KPNA3: variants seen among roughly 807,000 people sequenced by gnomAD.
The protein encoded by KPNA3 is karyopherin subunit alpha 3, also known as importin subunit alpha-4.
A neutral mutation model predicts 73.8 loss-of-function variants in KPNA3; 13 were observed. The observed-to-expected ratio is 0.18, with a 90% CI of 0.11 to 0.28. KPNA3 has a LOEUF of 0.28. KPNA3 is among the 10% of genes least tolerant of loss of function. The pLI, the probability that KPNA3 is intolerant of heterozygous loss-of-function variation, is 1.00. For missense variants in KPNA3, 360 were observed against 618.1 expected, an observed-to-expected ratio of 0.58 and a Z score of 4.43; for synonymous variants, 186 against 206.9, an observed-to-expected ratio of 0.90 and a Z score of 0.87.
chr13:49,723,748 T>C (rs1954382234), intron 7 of KPNA3, among the ~76,000 whole-genome samples: 1 of 150,436 alleles, frequency 6.6e-6, no homozygotes, highest in Admixed American at 6.6e-5. Flanking sequence ...TGTGTGCCTG[T>C]AGTCCCAGCT....
intron 10 of KPNA3, among the ~76,000 whole-genome samples, chr13:49,717,346 C>T (rs1196576236): frequency 6.7e-6 from 1 of 149,576 alleles, no homozygotes; most frequent in Non-Finnish European, 1.5e-5. Flanking sequence ...AGGAGAATTC[C>T]TTCAACTCGG....
rs796755766 is a variant in KPNA3 at position 49,735,256 on chromosome 13, G to A, written c.115-2210C>T. On this transcript the variant is annotated intron_variant, in intron 2 of 16. Coordinates refer to ENST00000261667, the MANE Select transcript of KPNA3 (RefSeq NM_002267.4). ...TCCTGCCTCAGCCTCCTGAATAGCT[G>A]GGATTACAGGCATGCGCCTCCATAC... Among the ~76,000 whole-genome samples, 3 of 152,104 alleles carry A rather than the reference G, an allele frequency of 2.0e-5. No individual in the cohort carries two copies. The East Asian group carries it at 5.8e-4, about 29-fold the overall frequency.
At chr13:49,776,762 G>A (rs554916200) in intron 1 of KPNA3, among the ~76,000 whole-genome samples, 3 of 152,174 alleles carry the variant, frequency 2.0e-5, no homozygotes, top group African/African-American at 7.2e-5. Context: ...TAAAATACCA[G>A]ATGCTGAAGT....
At chr13:49,765,013 C>T (rs1954797901) in intron 1 of KPNA3, among the ~76,000 whole-genome samples, 1 of 152,200 alleles carries the variant, frequency 6.6e-6, no homozygotes, top group Non-Finnish European at 1.5e-5. Flanking sequence ...CATAACACCA[C>T]ATTCCTGGTT....
intron 1 of KPNA3, among the ~76,000 whole-genome samples, chr13:49,766,032 T>C (rs914302916): frequency 2.6e-4 from 40 of 152,228 alleles, no homozygotes; most frequent in Non-Finnish European, 5.4e-4. Flanking sequence ...CTGGTCTTAC[T>C]TAATTTACTG....
intron 1 of KPNA3, among the ~76,000 whole-genome samples, chr13:49,788,942 T>C (rs899526226): frequency 7.2e-5 from 11 of 152,082 alleles, no homozygotes; most frequent in African/African-American, 2.2e-4. Context: ...TAAAGAGAAT[T>C]TGAAGGAGGA....
intron 1 of KPNA3, among the ~76,000 whole-genome samples, chr13:49,762,920 T>TTAAAAA (rs1555307128): frequency 8.0e-6 from 1 of 125,442 alleles, no homozygotes; most frequent in Non-Finnish European, 1.7e-5. Flanking sequence ...AAGGCTGGCT[T>TTAAAAA]AAAAAACAAA....
chr13:49,718,878 GTATT>G (rs1954329266), intron 10 of KPNA3, among the ~76,000 whole-genome samples: 1 of 152,080 alleles, frequency 6.6e-6, no homozygotes, highest in Non-Finnish European at 1.5e-5. Context: ...AAGCAAAGAT[GTATT>G]TCTTTGTCCC....
intron 1 of KPNA3, among the ~76,000 whole-genome samples, chr13:49,780,946 C>G (rs1954936236): frequency 6.6e-6 from 1 of 152,058 alleles, no homozygotes; most frequent in Admixed American, 6.5e-5. Flanking sequence ...GTCTCAAACT[C>G]CTGACCTCAG....
intron 12 of KPNA3, 53 bp from the exon 13 acceptor site, chr13:49,706,425 T>A: frequency 8.4e-7 from 1 of 1,193,620 alleles, no homozygotes; most frequent in Non-Finnish European, 1.2e-6. Flanking sequence ...ATACCTTTAA[T>A]GTCTTTCTAA....
At chr13:49,735,117 T>C (rs1052297042) in intron 2 of KPNA3, among the ~76,000 whole-genome samples, 2 of 152,052 alleles carry the variant, frequency 1.3e-5, no homozygotes, top group African/African-American at 4.8e-5. Context: ...ACAAGAACCA[T>C]ATTTACTTAT....
chr13:49,791,529 T>TA (rs3215725), intron 1 of KPNA3, among the ~76,000 whole-genome samples: 18,258 of 152,204 alleles, frequency 0.12, 2,180 homozygotes, highest in East Asian at 0.58. Context: ...GATGAATGTT[T>TA]AGTTTTGCAA....
intron 10 of KPNA3, among the ~76,000 whole-genome samples, chr13:49,715,416 G>A (rs933064372): frequency 8.5e-5 from 13 of 152,096 alleles, no homozygotes; most frequent in Admixed American, 6.5e-4. Context: ...AATGTTCAAC[G>A]TCATTCATAA....
intron 5 of KPNA3, 40 bp from the exon 6 acceptor site, chr13:49,732,506 CA>C: frequency 6.7e-7 from 1 of 1,484,434 alleles, no homozygotes; most frequent in Non-Finnish European, 9.3e-7. Flanking sequence ...CTATAATTTT[CA>C]AACTGTGAAA....
chr13:49,724,147 T>C (rs1467533025), intron 7 of KPNA3, among the ~76,000 whole-genome samples: 1 of 152,216 alleles, frequency 6.6e-6, no homozygotes, highest in Non-Finnish European at 1.5e-5. Flanking sequence ...TGTATTCCAT[T>C]GTATACACCA....
At chr13:49,757,038 TA>T (rs950346104) in intron 1 of KPNA3, among the ~76,000 whole-genome samples, 13 of 151,948 alleles carry the variant, frequency 8.6e-5, no homozygotes, top group Non-Finnish European at 1.2e-4. Flanking sequence ...CCTCACACCT[TA>T]AAAAAAATTT....
At chr13:49,765,627 C>T (rs953359752) in intron 1 of KPNA3, among the ~76,000 whole-genome samples, 6 of 152,146 alleles carry the variant, frequency 3.9e-5, no homozygotes, top group African/African-American at 1.2e-4. Context: ...TGAGCCACCG[C>T]GCCTGGCCTA....
intron 1 of KPNA3, among the ~76,000 whole-genome samples, chr13:49,773,309 T>C (rs1954870453): frequency 6.6e-6 from 1 of 152,212 alleles, no homozygotes; most frequent in East Asian, 1.9e-4. Flanking sequence ...AGGTAATCAT[T>C]TGTCAAAACT....
Position 49,706,184 on chromosome 13 carries a change from T to G in KPNA3, c.1138-15A>C, listed in dbSNP as rs1954206133. On this transcript the variant is annotated splice_polypyrimidine_tract_variant and intron_variant, in intron 13 of 16. Transcript: ENST00000261667. Reference sequence around the variant, plus strand: ...CCAAAGTCCCCCTGAAGGTTAAAAATGAGATCATAAAATGGACTCTTTATC... The same window carrying G: ...CCAAAGTCCCCCTGAAGGTTAAAAAGGAGATCATAAAATGGACTCTTTATC... 15 of 1,613,268 alleles carry G rather than the reference T, an allele frequency of 9.3e-6. No individual in the cohort carries two copies. The highest frequency in any genetic ancestry group is 1.2e-5 in the Non-Finnish European group (14 of 1,179,682).
Sources: gnomAD v4.1 joint callset for allele counts (sites outside exome capture counted in the v4.1 genomes callset) on GRCh38, gnomAD v4.1.1 for gene constraint, MANE v1.5 for transcripts, NCBI Gene and HGNC (gene_info 2026-07-23, HGNC 2026-07-21) for gene names.